The following NTM variants were observed in gnomAD, a reference collection of about 807,000 sequenced individuals.
NTM encodes the protein neurotrimin.
In NTM, 13 loss-of-function variants were observed where a neutral mutation model predicts 42.1. The observed-to-expected ratio is 0.31, with a 90% CI of 0.20 to 0.49. The LOEUF (loss-of-function observed/expected upper bound fraction) is 0.49. Among genes scored for constraint, NTM ranks in the 20% least tolerant of loss-of-function variants. NTM has a pLI of 0.99. For synonymous variants in NTM, 187 were observed against 179.2 expected (o/e 1.04, Z -0.35); for missense variants, 373 against 452.8 (o/e 0.82, Z 1.60).
intron 2 of NTM, among the ~76,000 whole-genome samples, chr11:131,930,039 C>T (rs7120496): frequency 6.6e-6 from 1 of 152,092 alleles, no homozygotes; most frequent in Admixed American, 6.5e-5. Context: ...TATTGCCTTG[C>T]TCGGTGTTGG....
At chr11:131,623,018 T>A (rs2062736743) in intron 1 of NTM, among the ~76,000 whole-genome samples, 2 of 152,182 alleles carry the variant, frequency 1.3e-5, no homozygotes, top group South Asian at 4.1e-4. Context: ...AAGAAACAAC[T>A]TATCTCAAAC....
intron 1 of NTM, among the ~76,000 whole-genome samples, chr11:131,792,982 G>T (rs530815032): frequency 6.6e-6 from 1 of 152,334 alleles, no homozygotes; most frequent in Non-Finnish European, 1.5e-5. Flanking sequence ...TCTCCAGAGA[G>T]CAGTTAGGGA....
At chr11:132,295,876 G>A (rs994854059) in intron 4 of NTM, among the ~76,000 whole-genome samples, 1 of 152,150 alleles carries the variant, frequency 6.6e-6, no homozygotes, top group Admixed American at 6.5e-5. Context: ...ATAAATGGGA[G>A]GCGTGGAGAC....
chr11:132,023,810 T>TTTGTTG (rs137975664), intron 2 of NTM, among the ~76,000 whole-genome samples: 3 of 145,548 alleles, frequency 2.1e-5, no homozygotes, highest in Middle Eastern at 3.5e-3. Flanking sequence ...TGGTGGTGGT[T>TTTGTTG]TTGTTGTTGT....
chr11:131,390,119 C>T (rs2135581579), intron 1 of NTM, among the ~76,000 whole-genome samples: 1 of 152,252 alleles, frequency 6.6e-6, no homozygotes, highest in Non-Finnish European at 1.5e-5. Flanking sequence ...GCACAAGCAC[C>T]TGCTCAGTTT....
At chr11:131,552,112 C>A (rs2054745812) in intron 1 of NTM, among the ~76,000 whole-genome samples, 1 of 151,740 alleles carries the variant, frequency 6.6e-6, no homozygotes, top group African/African-American at 2.4e-5. Flanking sequence ...AAAAGGCACA[C>A]CCACCAGAAT....
At chr11:131,389,024 A>AAAAAAAAAAAAAAAGAAAAG (rs774146196) in intron 1 of NTM, among the ~76,000 whole-genome samples, 20 of 89,908 alleles carry the variant, frequency 2.2e-4, no homozygotes, top group East Asian at 7.6e-4. Context: ...AAAAAAAAAA[A>AAAAAAAAAAAAAAAGAAAAG]AAAAGAAAAG....
At chr11:131,399,757 A>G (rs575409404) in intron 1 of NTM, among the ~76,000 whole-genome samples, 4 of 152,212 alleles carry the variant, frequency 2.6e-5, no homozygotes, top group South Asian at 2.1e-4. Flanking sequence ...GGAAAGCACA[A>G]TGTAGGACTC....
chr11:131,623,073 G>A (rs374947918), intron 1 of NTM, among the ~76,000 whole-genome samples: 53 of 152,286 alleles, frequency 3.5e-4, no homozygotes, highest in East Asian at 7.7e-4. Context: ...GCAATCATGG[G>A]GTGCCCATAG....
chr11:132,282,819 T>A (rs969400223), intron 4 of NTM, among the ~76,000 whole-genome samples: 2 of 152,088 alleles, frequency 1.3e-5, no homozygotes, highest in African/African-American at 4.8e-5. Flanking sequence ...TTAATAGGCA[T>A]TAACTTAACT....
intron 3 of NTM, among the ~76,000 whole-genome samples, chr11:132,180,192 A>T (rs1047027508): frequency 6.6e-6 from 1 of 152,192 alleles, no homozygotes; most frequent in Admixed American, 6.6e-5. Flanking sequence ...ATAAATTATT[A>T]CATAATTTGT....
chr11:132,103,829 G>A (rs899859528), intron 2 of NTM, among the ~76,000 whole-genome samples: 2 of 152,200 alleles, frequency 1.3e-5, no homozygotes, highest in African/African-American at 4.8e-5. Context: ...ATGACGTGGT[G>A]CAGATGAAAA....
At chr11:132,013,994 C>T (rs1593722808) in intron 2 of NTM, among the ~76,000 whole-genome samples, 1 of 151,782 alleles carries the variant, frequency 6.6e-6, no homozygotes, top group Non-Finnish European at 1.5e-5. Flanking sequence ...TATCGTATGT[C>T]CTTATTTTTT....
intron 1 of NTM, among the ~76,000 whole-genome samples, chr11:131,465,767 G>C (rs1951823317): frequency 6.7e-6 from 1 of 150,096 alleles, no homozygotes; most frequent in Admixed American, 6.6e-5. Context: ...GAATGCACCA[G>C]AGCCATTCCC....
chr11:131,510,100 G>T (rs1192810948), intron 1 of NTM, among the ~76,000 whole-genome samples: 1 of 152,178 alleles, frequency 6.6e-6, no homozygotes, highest in Non-Finnish European at 1.5e-5. Context: ...GGGCCTGGAG[G>T]CCGCATAGCC....
At chr11:131,579,471 A>C (rs7925725) in intron 1 of NTM, among the ~76,000 whole-genome samples, 49,696 of 152,020 alleles carry the variant, frequency 0.33, 9,484 homozygotes, top group East Asian at 0.5. Context: ...TCCCATTTTT[A>C]AAAGGTTTGA....
intron 2 of NTM, among the ~76,000 whole-genome samples, chr11:131,964,448 G>C (rs1216875593): frequency 6.6e-6 from 1 of 152,158 alleles, no homozygotes; most frequent in African/African-American, 2.4e-5. Context: ...CATAGCCAAA[G>C]TGACAAGTGA....
chr11:131,601,477 A>G (rs2060479970), intron 1 of NTM, among the ~76,000 whole-genome samples: 1 of 152,244 alleles, frequency 6.6e-6, no homozygotes, highest in Admixed American at 6.5e-5. Context: ...CTTTTGAATA[A>G]TTAAATCATT....
chr11:132,017,237 TCTA>T (rs2073580944), intron 2 of NTM, among the ~76,000 whole-genome samples: 1 of 152,038 alleles, frequency 6.6e-6, no homozygotes, highest in Non-Finnish European at 1.5e-5. Flanking sequence ...AGATTTTTCT[TCTA>T]CATTTTCTCC....
Sources: allele counts gnomAD v4.1 joint callset (sites outside exome capture counted in the v4.1 genomes callset), GRCh38; gene constraint gnomAD v4.1.1; transcripts MANE v1.5; gene names NCBI Gene and HGNC (gene_info 2026-07-23, HGNC 2026-07-21).